LRFN5: variants seen among roughly 807,000 people sequenced by gnomAD.
The protein encoded by LRFN5 is leucine rich repeat and fibronectin type III domain containing 5.
A neutral mutation model predicts 45.6 loss-of-function variants in LRFN5; 24 were observed. That is an observed-to-expected ratio of 0.53 (90% CI 0.38 to 0.74). The LOEUF (loss-of-function observed/expected upper bound fraction) is 0.74. Among genes scored for constraint, LRFN5 ranks in the 30% least tolerant of loss-of-function variants. The pLI is 0.00. For synonymous variants in LRFN5, 340 were observed against 313.8 expected (o/e 1.08, Z -0.88); for missense variants, 776 against 861.5 (o/e 0.90, Z 1.24).
intron 1 of LRFN5, among the ~76,000 whole-genome samples, chr14:41,661,811 G>T (rs1880669120): frequency 6.6e-6 from 1 of 151,972 alleles, no homozygotes; most frequent in African/African-American, 2.4e-5. Context: ...AGAGTAATTT[G>T]TGGGAAAAAA....
intron 1 of LRFN5, among the ~76,000 whole-genome samples, chr14:41,694,805 T>C (rs1191761784): frequency 6.6e-6 from 1 of 151,996 alleles, no homozygotes; most frequent in Non-Finnish European, 1.5e-5. Flanking sequence ...TACTATGTAA[T>C]TATTTTGGGG....
intron 1 of LRFN5, among the ~76,000 whole-genome samples, chr14:41,611,261 T>C (rs1255039595): frequency 6.6e-6 from 1 of 152,206 alleles, no homozygotes; most frequent in African/African-American, 2.4e-5. Flanking sequence ...TAAATAGAGC[T>C]ACTAGCACAA....
At chr14:41,635,082 A>G (rs2138586040) in intron 1 of LRFN5, among the ~76,000 whole-genome samples, 1 of 152,236 alleles carries the variant, frequency 6.6e-6, no homozygotes, top group East Asian at 1.9e-4. Context: ...TTGCTCTCAA[A>G]TAACAATTAT....
intron 1 of LRFN5, among the ~76,000 whole-genome samples, chr14:41,690,364 G>A (rs1268909956): frequency 6.6e-6 from 1 of 152,108 alleles, no homozygotes; most frequent in Non-Finnish European, 1.5e-5. Flanking sequence ...GATCAGCCTG[G>A]CTAACATGAT....
intron 2 of LRFN5, among the ~76,000 whole-genome samples, chr14:41,791,230 G>A (rs563646810): frequency 1.2e-3 from 178 of 151,364 alleles, no homozygotes; most frequent in African/African-American, 3.1e-3. Context: ...TGAAATTGTC[G>A]TTTTGACACT....
intron 2 of LRFN5, among the ~76,000 whole-genome samples, chr14:41,828,891 G>A (rs1253595988): frequency 6.6e-6 from 1 of 151,712 alleles, no homozygotes; most frequent in Non-Finnish European, 1.5e-5. Flanking sequence ...CTTACAACAG[G>A]CATCAGATTC....
At chr14:41,798,800 G>A (rs931760416) in intron 2 of LRFN5, among the ~76,000 whole-genome samples, 2 of 151,838 alleles carry the variant, frequency 1.3e-5, no homozygotes, top group African/African-American at 4.8e-5. Flanking sequence ...TTTGGACTCA[G>A]TTTCACTTTT....
At position 41,887,522 on chromosome 14, in the gene LRFN5, G is replaced by T; in HGVS notation, c.897G>T (p.Leu299=). 6.2e-7 allele frequency: 1 copy of T among 1,614,176 alleles called. No individual in the cohort carries two copies. Among genetic ancestry groups the T allele is most frequent in the Non-Finnish European group, 8.5e-7 (1 of 1,180,026 alleles). ...GTCATACACATGAGATGAGAGTCCT[G>T]GAGGGACAAAGGGCAACACTGAGGT... ...ITRHTHEMRV[L]EGQRATLRCK... Residue 299 remains leucine, a synonymous_variant, in exon 3 of 6, where the codon CTG becomes CTT. Transcript: ENST00000298119. This position sits in a 1 kb window ranked among gnomAD's most constrained non-coding sequence, Gnocchi z 4.8.
intron 1 of LRFN5, among the ~76,000 whole-genome samples, chr14:41,643,027 TGA>T (rs1879651367): frequency 6.6e-6 from 1 of 152,308 alleles, no homozygotes; most frequent in East Asian, 1.9e-4. Context: ...ATAATCAGTG[TGA>T]GAGAGTCTCA....
chr14:41,678,236 A>T (rs1234743132), intron 1 of LRFN5, among the ~76,000 whole-genome samples: 1 of 151,884 alleles, frequency 6.6e-6, no homozygotes, highest in Non-Finnish European at 1.5e-5. Flanking sequence ...TACCTGGAAG[A>T]TACATGCATA....
At chr14:41,690,073 T>G (rs932428165) in intron 1 of LRFN5, among the ~76,000 whole-genome samples, 5 of 152,104 alleles carry the variant, frequency 3.3e-5, no homozygotes, top group Non-Finnish European at 7.4e-5. Context: ...ACATTACAAG[T>G]AAATAAATTT....
intron 2 of LRFN5, among the ~76,000 whole-genome samples, chr14:41,768,644 A>C (rs1276892134): frequency 6.6e-6 from 1 of 152,166 alleles, no homozygotes; most frequent in Non-Finnish European, 1.5e-5. Context: ...ATGTAAAAAT[A>C]GTGTGTTTCT....
intron 2 of LRFN5, among the ~76,000 whole-genome samples, chr14:41,858,285 T>C (rs981024241): frequency 2.0e-5 from 3 of 152,164 alleles, no homozygotes; most frequent in African/African-American, 7.2e-5. Context: ...ACCCAGTTAT[T>C]GCCACCTTCG....
chr14:41,718,294 G>T (rs1260132400), intron 1 of LRFN5, among the ~76,000 whole-genome samples: 1 of 152,100 alleles, frequency 6.6e-6, no homozygotes, highest in Non-Finnish European at 1.5e-5. Flanking sequence ...TGTAATTGTA[G>T]AATATGCACT....
chr14:41,694,943 TA>T (rs1882540629), intron 1 of LRFN5, among the ~76,000 whole-genome samples: 1 of 151,942 alleles, frequency 6.6e-6, no homozygotes, highest in South Asian at 2.1e-4. Context: ...TTAAGCTTAG[TA>T]AAAAAGGCAT....
At chr14:41,815,416 A>T (rs1887882789) in intron 2 of LRFN5, among the ~76,000 whole-genome samples, 1 of 152,046 alleles carries the variant, frequency 6.6e-6, no homozygotes, top group Non-Finnish European at 1.5e-5. Context: ...TTTACTTTTA[A>T]TCTTCACCTG....
At chr14:41,665,172 T>C (rs942995342) in intron 1 of LRFN5, among the ~76,000 whole-genome samples, 1 of 152,016 alleles carries the variant, frequency 6.6e-6, no homozygotes, top group African/African-American at 2.4e-5. Context: ...AAATTTCTTA[T>C]GCTGTCTGGT....
At chr14:41,828,902 A>G (rs1888385166) in intron 2 of LRFN5, among the ~76,000 whole-genome samples, 2 of 151,994 alleles carry the variant, frequency 1.3e-5, no homozygotes, top group African/African-American at 4.8e-5. Flanking sequence ...CATCAGATTC[A>G]TGATCCTTTT....
intron 1 of LRFN5, among the ~76,000 whole-genome samples, chr14:41,754,723 G>A (rs1566653874): frequency 6.6e-6 from 1 of 152,046 alleles, no homozygotes; most frequent in African/African-American, 2.4e-5. Context: ...CCGGCTCCTG[G>A]ATTCATTGAT....
Sources: allele counts gnomAD v4.1 joint callset (sites outside exome capture counted in the v4.1 genomes callset), GRCh38; gene constraint gnomAD v4.1.1; non-coding constraint Gnocchi (gnomAD v3.1); transcripts MANE v1.5; gene names NCBI Gene and HGNC (gene_info 2026-07-23, HGNC 2026-07-21).